The following OPCML variants were observed in gnomAD, a reference collection of about 807,000 sequenced individuals.
The protein encoded by OPCML is opioid-binding protein/cell adhesion molecule.
A neutral mutation model predicts 37.8 loss-of-function variants in OPCML; 13 were observed. That is an observed-to-expected ratio of 0.34 (90% CI 0.22 to 0.55). The LOEUF is 0.55. OPCML is among the 20% of genes least tolerant of loss of function. OPCML has a pLI of 0.91. For synonymous variants in OPCML, 176 were observed against 168.8 expected (o/e 1.04, Z -0.33); for missense variants, 341 against 435.6 (o/e 0.78, Z 1.93).
At chr11:132,772,140 T>C (rs1946660782) in intron 2 of OPCML, 1 of 152,182 alleles carries the variant, frequency 6.6e-6, no homozygotes, top group Non-Finnish European at 1.5e-5. Flanking sequence ...GAAGATAAGA[T>C]AGTAAGACAA....
At chr11:132,525,400 C>T (rs916860291) in intron 4 of OPCML, among the ~76,000 whole-genome samples, 33 of 151,984 alleles carry the variant, frequency 2.2e-4, no homozygotes, top group Non-Finnish European at 3.7e-4. Context: ...TTTATAGATC[C>T]CCAAATTTAA....
chr11:132,895,186 C>T (rs974624466), intron 2 of OPCML, among the ~76,000 whole-genome samples: 3 of 152,178 alleles, frequency 2.0e-5, no homozygotes, highest in African/African-American at 7.2e-5. Context: ...CATAGAGATA[C>T]ATAAAATAGG....
chr11:132,546,051 G>C (rs976551123), intron 3 of OPCML, among the ~76,000 whole-genome samples: 5 of 152,218 alleles, frequency 3.3e-5, no homozygotes, highest in African/African-American at 1.2e-4. Flanking sequence ...TTCCCCAGAA[G>C]TCTTCTCAGA....
intron 1 of OPCML, among the ~76,000 whole-genome samples, chr11:133,357,418 A>T (rs1944313505): frequency 6.6e-6 from 1 of 152,238 alleles, no homozygotes; most frequent in Non-Finnish European, 1.5e-5. Context: ...TGTGGATGAT[A>T]AGCTACAGCT....
At chr11:132,734,622 A>T (rs1351485275) in intron 2 of OPCML, among the ~76,000 whole-genome samples, 1 of 152,190 alleles carries the variant, frequency 6.6e-6, no homozygotes, top group Non-Finnish European at 1.5e-5. Flanking sequence ...CTTATTCTTG[A>T]ATTTCTGGCC....
chr11:132,714,238 G>T (rs1944382662), intron 2 of OPCML, among the ~76,000 whole-genome samples: 1 of 152,120 alleles, frequency 6.6e-6, no homozygotes, highest in Non-Finnish European at 1.5e-5. Flanking sequence ...AAGATGTTAA[G>T]ACATGTCAAA....
At chr11:132,467,932 C>T (rs537636834) in intron 4 of OPCML, among the ~76,000 whole-genome samples, 4 of 152,320 alleles carry the variant, frequency 2.6e-5, no homozygotes, top group African/African-American at 9.6e-5. Context: ...TCACGGTGAA[C>T]AGCAAGGTTG....
chr11:133,369,073 C>G (rs1357006350), intron 1 of OPCML, among the ~76,000 whole-genome samples: 1 of 152,202 alleles, frequency 6.6e-6, no homozygotes, highest in Non-Finnish European at 1.5e-5. Context: ...TCAAACCAAC[C>G]AGATTTGGTG....
chr11:132,428,657 A>G (rs1045827835), intron 7 of OPCML, among the ~76,000 whole-genome samples: 12 of 152,162 alleles, frequency 7.9e-5, no homozygotes, highest in Admixed American at 6.6e-5. Context: ...GGGGATTAAG[A>G]TCAGACAGAC....
chr11:133,172,158 A>T (rs1418975120), intron 1 of OPCML, among the ~76,000 whole-genome samples: 1 of 152,170 alleles, frequency 6.6e-6, no homozygotes, highest in African/African-American at 2.4e-5. Flanking sequence ...AGATAGACTC[A>T]TTCATTCAGT....
At chr11:132,753,388 G>A (rs1945906773) in intron 2 of OPCML, among the ~76,000 whole-genome samples, 2 of 152,140 alleles carry the variant, frequency 1.3e-5, no homozygotes, top group South Asian at 4.2e-4. Context: ...CAATATACTA[G>A]GAGAGTGCTG....
At chr11:132,984,855 C>A (rs1391666643) in intron 1 of OPCML, among the ~76,000 whole-genome samples, 2 of 152,170 alleles carry the variant, frequency 1.3e-5, no homozygotes, top group South Asian at 4.1e-4. Context: ...TTCACCCTGC[C>A]GCCCGCTTCC....
At chr11:133,376,406 G>T (rs2136766526) in intron 1 of OPCML, among the ~76,000 whole-genome samples, 1 of 152,258 alleles carries the variant, frequency 6.6e-6, no homozygotes, top group Non-Finnish European at 1.5e-5. Flanking sequence ...CTGCAATATT[G>T]TGATGACATT....
At chr11:132,468,479 G>A (rs771213444) in intron 4 of OPCML, among the ~76,000 whole-genome samples, 2 of 152,152 alleles carry the variant, frequency 1.3e-5, no homozygotes, top group Non-Finnish European at 2.9e-5. Flanking sequence ...TTTTTAAAAC[G>A]ATTTCTAAAA....
chr11:133,342,759 G>A (rs1943902345), intron 1 of OPCML, among the ~76,000 whole-genome samples: 2 of 152,136 alleles, frequency 1.3e-5, no homozygotes, highest in South Asian at 4.1e-4. Flanking sequence ...GGACAATGCT[G>A]GCTTCCGAGA....
intron 1 of OPCML, among the ~76,000 whole-genome samples, chr11:133,445,919 C>G (rs1402489524): frequency 6.6e-6 from 1 of 152,090 alleles, no homozygotes; most frequent in Non-Finnish European, 1.5e-5. Context: ...GGGGGGCTGC[C>G]AAGACTGTTT....
At chr11:133,440,658 C>G (rs1328469788) in intron 1 of OPCML, among the ~76,000 whole-genome samples, 6 of 147,574 alleles carry the variant, frequency 4.1e-5, no homozygotes, top group Non-Finnish European at 8.9e-5. Context: ...ACCCAGGAGG[C>G]AGAGGTTGCA....
intron 1 of OPCML, among the ~76,000 whole-genome samples, chr11:132,955,899 A>C (rs1945968635): frequency 6.6e-6 from 1 of 152,148 alleles, no homozygotes; most frequent in Non-Finnish European, 1.5e-5. Context: ...AAAACAAAGA[A>C]AATGCTGAAC....
At chr11:132,688,651 T>C (rs969210821) in intron 2 of OPCML, among the ~76,000 whole-genome samples, 1 of 152,150 alleles carries the variant, frequency 6.6e-6, no homozygotes, top group Non-Finnish European at 1.5e-5. Flanking sequence ...CAGGCTGCAT[T>C]TTCAGCAAGA....
Sources: gnomAD v4.1 joint callset for allele counts (sites outside exome capture counted in the v4.1 genomes callset) on GRCh38, gnomAD v4.1.1 for gene constraint, MANE v1.5 for transcripts, NCBI Gene and HGNC (gene_info 2026-07-23, HGNC 2026-07-21) for gene names.